The following CAMKMT variants were observed in gnomAD, a reference collection of about 807,000 sequenced individuals.
The protein encoded by CAMKMT is calmodulin-lysine N-methyltransferase.
CAMKMT carries 53 observed loss-of-function variants against 48.0 expected under a neutral mutation model. The observed-to-expected ratio is 1.10, with a 90% CI of 0.89 to 1.39. The LOEUF is 1.39. Among genes scored for constraint, CAMKMT ranks in the 40% most tolerant of loss-of-function variants. The probability of loss-of-function intolerance (pLI) is 0.00; values close to 1 mark genes in which losing one functional copy is unlikely to be tolerated. For missense variants in CAMKMT, 428 were observed against 402.7 expected (o/e 1.06, Z -0.54); for synonymous variants, 165 against 152.3 (o/e 1.08, Z -0.61).
intron 7 of CAMKMT, among the ~76,000 whole-genome samples, chr2:44,724,064 T>C (rs1678638364): frequency 6.6e-6 from 1 of 152,190 alleles, no homozygotes; most frequent in South Asian, 2.1e-4. Context: ...TTCTCTGGAA[T>C]GGCACTTTCT....
chr2:44,418,233 C>A (rs1206150571), intron 3 of CAMKMT, among the ~76,000 whole-genome samples: 1 of 149,510 alleles, frequency 6.7e-6, no homozygotes, highest in Non-Finnish European at 1.5e-5. Flanking sequence ...TTATTATATA[C>A]TCTGAAGACA....
In CAMKMT at chr2:44,772,151, T is replaced by G; in HGVS notation, c.*38T>G. 1 of 1,535,378 alleles carries G rather than the reference T, an allele frequency of 6.5e-7. No individual in the cohort carries two copies. Among genetic ancestry groups the G allele is most frequent in the Non-Finnish European group, 9.0e-7 (1 of 1,113,926 alleles). ...CTCAAAGACGAAGAAACGTATCAAG[T>G]GCATAGGGAATATTTTTACAAAAAC... On this transcript the variant is annotated 3_prime_UTR_variant, in exon 11 of 11. Transcript: ENST00000378494.
intron 3 of CAMKMT, among the ~76,000 whole-genome samples, chr2:44,589,032 G>A (rs1215482659): frequency 4.1e-4 from 5 of 12,330 alleles, no homozygotes; most frequent in South Asian, 4.1e-3. Flanking sequence ...CCGCCCGGCC[G>A]GCCGCCCCAT....
intron 3 of CAMKMT, among the ~76,000 whole-genome samples, chr2:44,550,223 G>C (rs1189534996): frequency 6.6e-6 from 1 of 151,728 alleles, no homozygotes; most frequent in African/African-American, 2.4e-5. Flanking sequence ...AACATAGGGA[G>C]ACCCCGTTTC....
At position 44,704,259 on chromosome 2, in the gene CAMKMT, G is replaced by C. The variant is rs368774246; in HGVS notation, c.377-24G>C. 1.8e-5 allele frequency: 28 copies of C among 1,599,268 alleles called. No individual in the cohort carries two copies. The Middle Eastern group carries it at 5.0e-4, about 29-fold the overall frequency. On this transcript the variant is annotated intron_variant, in intron 3 of 10. Coordinates refer to ENST00000378494, the MANE Select transcript of CAMKMT (RefSeq NM_024766.5). ...AAAAGAATGACTTCTATAATCAAAA[G>C]GTTTATCCTCTTGTGTTTTCTAGGC... is the stretch of plus-strand genomic sequence containing the variant.
intron 3 of CAMKMT, among the ~76,000 whole-genome samples, chr2:44,584,918 G>A (rs1669767778): frequency 1.3e-5 from 2 of 152,088 alleles, no homozygotes; most frequent in Admixed American, 1.3e-4. Context: ...ATCCGGGCGT[G>A]GTGGTGGGCG....
intron 3 of CAMKMT, among the ~76,000 whole-genome samples, chr2:44,399,149 A>C (rs982097637): frequency 6.6e-6 from 1 of 152,146 alleles, no homozygotes; most frequent in Non-Finnish European, 1.5e-5. Context: ...CACATGGTAA[A>C]TTCATAGTTC....
intron 3 of CAMKMT, among the ~76,000 whole-genome samples, chr2:44,692,016 G>C (rs1370744733): frequency 2.0e-5 from 3 of 152,122 alleles, no homozygotes; most frequent in East Asian, 1.9e-4. Flanking sequence ...CAAAGCGGGA[G>C]GACAAGTATA....
At position 44,428,899 on chromosome 2, in the gene CAMKMT, T is replaced by G. The variant is rs1684455573; in HGVS notation, c.376+38594T>G. Among the ~76,000 whole-genome samples the G allele has an allele frequency of 2.0e-5, 3 of 152,342 alleles. No individual in the cohort carries two copies. The South Asian group carries it at 6.2e-4, about 32-fold the overall frequency. The stretch of plus-strand genomic sequence containing the variant: ...AGAAGGCATTTGTTTCTGGGCAATG[T>G]GCTCTGCTTGTTGGAGTGACCCAGC... On this transcript the variant is annotated intron_variant, in intron 3 of 10. Coordinates refer to ENST00000378494, the MANE Select transcript of CAMKMT (RefSeq NM_024766.5).
chr2:44,757,373 C>T (rs1680426474), intron 9 of CAMKMT, among the ~76,000 whole-genome samples: 1 of 152,208 alleles, frequency 6.6e-6, no homozygotes, highest in Non-Finnish European at 1.5e-5. Flanking sequence ...AGAAGGTATA[C>T]ATGGGCTGTG....
chr2:44,605,809 G>C (rs1266070455), intron 3 of CAMKMT, among the ~76,000 whole-genome samples: 1 of 152,048 alleles, frequency 6.6e-6, no homozygotes, highest in Non-Finnish European at 1.5e-5. Context: ...ATACAGATTA[G>C]AGTCTTGCAT....
intron 3 of CAMKMT, among the ~76,000 whole-genome samples, chr2:44,698,364 A>G (rs1339070413): frequency 1.3e-5 from 2 of 152,164 alleles, no homozygotes; most frequent in Non-Finnish European, 2.9e-5. Context: ...GGTCCTTTGT[A>G]ACTGGTTTCT....
chr2:44,485,834 A>C (rs1030562690), intron 3 of CAMKMT, among the ~76,000 whole-genome samples: 13 of 152,294 alleles, frequency 8.5e-5, no homozygotes, highest in African/African-American at 3.1e-4. Flanking sequence ...TGGCAAAACC[A>C]ATCTGTGGTG....
chr2:44,407,865 T>G (rs1422723768), intron 3 of CAMKMT, among the ~76,000 whole-genome samples: 4 of 152,052 alleles, frequency 2.6e-5, no homozygotes, highest in African/African-American at 9.7e-5. Context: ...TCAGTCATTG[T>G]CTCTTGCTGC....
intron 3 of CAMKMT, among the ~76,000 whole-genome samples, chr2:44,625,838 C>T (rs903222528): frequency 1.3e-5 from 2 of 152,102 alleles, no homozygotes; most frequent in African/African-American, 2.4e-5. Context: ...AGATCTCTTA[C>T]TGGACTGTCT....
At chr2:44,664,984 A>G (rs2104098677) in intron 3 of CAMKMT, among the ~76,000 whole-genome samples, 1 of 152,280 alleles carries the variant, frequency 6.6e-6, no homozygotes, top group Non-Finnish European at 1.5e-5. Context: ...GCTACCCCCC[A>G]GGAATTCTGA....
chr2:44,454,298 G>A (rs73924770), intron 3 of CAMKMT, among the ~76,000 whole-genome samples: 3,365 of 152,182 alleles, frequency 0.022, 126 homozygotes, highest in African/African-American at 0.076. Context: ...CAGGTTCAAC[G>A]TTGTGCATTG....
chr2:44,378,683 G>A (rs1451915675), intron 2 of CAMKMT, among the ~76,000 whole-genome samples: 2 of 152,038 alleles, frequency 1.3e-5, no homozygotes, highest in South Asian at 2.1e-4. Context: ...TAGTAGAGAC[G>A]GGGTTTCACC....
intron 2 of CAMKMT, among the ~76,000 whole-genome samples, chr2:44,383,939 T>A (rs1466558677): frequency 6.6e-6 from 1 of 152,176 alleles, no homozygotes; most frequent in African/African-American, 2.4e-5. Flanking sequence ...TAAACATGAG[T>A]GTGCAAGGGT....
Sources: allele counts gnomAD v4.1 joint callset (sites outside exome capture counted in the v4.1 genomes callset), GRCh38; gene constraint gnomAD v4.1.1; transcripts MANE v1.5; gene names NCBI Gene and HGNC (gene_info 2026-07-23, HGNC 2026-07-21).